The following OR1F1 variants were observed in gnomAD, a reference collection of about 807,000 sequenced individuals.
OR1F1 encodes the protein olfactory receptor family 1 subfamily F member 1, also known as olfactory receptor 1F1.
For synonymous variants in OR1F1, 184 were observed against 156.7 expected (o/e 1.17, Z -1.30); for missense variants, 493 against 376.3 (o/e 1.31, Z -2.57).
upstream of OR1F1, among the ~76,000 whole-genome samples, chr16:3,200,365 C>T (rs1035989701): frequency 7.2e-5 from 11 of 152,196 alleles, no homozygotes; most frequent in East Asian, 2.1e-3. Context: ...ATCCCACTTT[C>T]GGAGGCCGAG....
the OR1F1 span, chr16:3,191,305 G>A: frequency 6.6e-6 from 1 of 152,232 alleles, no homozygotes; most frequent in Non-Finnish European, 1.5e-5. Flanking sequence ...AGCCTCTGGC[G>A]GGTCATCTCC....
downstream of OR1F1, among the ~76,000 whole-genome samples, chr16:3,205,454 C>T (rs890127001): frequency 2.6e-5 from 4 of 151,654 alleles, no homozygotes; most frequent in African/African-American, 9.7e-5. Context: ...TAGCTGGGAC[C>T]ACAGGTGTGT....
upstream of OR1F1, among the ~76,000 whole-genome samples, chr16:3,199,498 T>G (rs1382329503): frequency 6.6e-6 from 1 of 151,720 alleles, no homozygotes; most frequent in Non-Finnish European, 1.5e-5. Flanking sequence ...ACAAAAAATT[T>G]AAAAATTAGC....
rs758873218 is a variant in OR1F1 at position 3,204,586 on chromosome 16, C to G, written c.340C>G (p.Leu114Val). 4 of 1,614,180 alleles carry G rather than the reference C, an allele frequency of 2.5e-6. No individual in the cohort carries two copies. In the Admixed American group the frequency reaches 6.7e-5, roughly 27 times the overall value. ...CATGTTCGTGGACATGGACAATTTCCTCCTAGCTGTGATGGCCTATGACCA... is the reference window on the plus strand; with the variant it reads ...CATGTTCGTGGACATGGACAATTTCGTCCTAGCTGTGATGGCCTATGACCA... Residue 114 changes from leucine (L) to valine (V), a missense_variant, in exon 1 of 1, where the codon CTC (leucine) becomes GTC (valine). Coordinates refer to ENST00000304646, the Ensembl canonical transcript of OR1F1.
chr16:3,206,113 G>C (rs1417204673), downstream of OR1F1, among the ~76,000 whole-genome samples: 3 of 152,160 alleles, frequency 2.0e-5, no homozygotes, highest in Non-Finnish European at 4.4e-5. Flanking sequence ...CTCGGGGGAG[G>C]TCTATAAATG....
exon 1 of OR1F1, chr16:3,205,042 C>G: frequency 1.9e-6 from 3 of 1,614,106 alleles, no homozygotes; most frequent in Non-Finnish European, 2.5e-6. Flanking sequence ...TCTGTCCTCC[C>G]ACTCAGCTGA....
At chr16:3,189,770 T>A in the OR1F1 span, 1 of 152,048 alleles carries the variant, frequency 6.6e-6, no homozygotes, top group African/African-American at 2.4e-5. Flanking sequence ...CTTACAGACC[T>A]CAGCGCAGGA....
At position 3,205,033 on chromosome 16, in the gene OR1F1, C is replaced by G. The variant is rs768958887; in HGVS notation, c.787C>G (p.Leu263Val). Residue 263 changes from leucine (L) to valine (V), a missense_variant, in exon 1 of 1, where the codon CTG becomes GTG. Transcript: ENST00000304646. ...CATCATTGCTGTGTATTTTAACCCT[C>G]TGTCCTCCCACTCAGCTGAGAAAGA... 7 of 1,614,188 alleles carry G rather than the reference C, an allele frequency of 4.3e-6. No homozygotes were observed. In the East Asian group the frequency reaches 1.6e-4, roughly 36 times the overall value.
chr16:3,204,884 G>T, exon 1 of OR1F1: 1 of 1,614,008 alleles, frequency 6.2e-7, no homozygotes, highest in Non-Finnish European at 8.5e-7. Flanking sequence ...CCATTTCTTT[G>T]CATCCTGGCT....
the OR1F1 span, among the ~76,000 whole-genome samples, chr16:3,194,640 G>C: frequency 1.4e-3 from 217 of 152,226 alleles, 1 homozygote; most frequent in Non-Finnish European, 2.6e-3. Context: ...CCAGAGGAGA[G>C]GAGGGGAGAA....
At chr16:3,194,024 G>A in the OR1F1 span, among the ~76,000 whole-genome samples, 1 of 152,070 alleles carries the variant, frequency 6.6e-6, no homozygotes. Flanking sequence ...TTGGGGTAAG[G>A]TATCACGCCT....
At chr16:3,188,945 A>G in the OR1F1 span, among the ~76,000 whole-genome samples, 305 of 152,210 alleles carry the variant, frequency 2.0e-3, 2 homozygotes, top group Non-Finnish European at 2.7e-3. Context: ...TGCGCAGCGT[A>G]GTTGGTGGCC....
exon 1 of OR1F1, chr16:3,204,250 A>C (rs1329811752): frequency 1.3e-6 from 2 of 1,594,906 alleles, no homozygotes; most frequent in East Asian, 2.2e-5. Flanking sequence ...CAGGCCCATG[A>C]GCGGGACAAA....
exon 1 of OR1F1, chr16:3,205,065 G>A (rs1958188844): frequency 2.5e-6 from 4 of 1,613,148 alleles, no homozygotes; most frequent in East Asian, 2.2e-5. Context: ...AAGACACTAT[G>A]GCTACTGTGT....
the OR1F1 span, among the ~76,000 whole-genome samples, chr16:3,192,492 G>A: frequency 6.6e-6 from 1 of 152,212 alleles, no homozygotes; most frequent in Non-Finnish European, 1.5e-5. Flanking sequence ...ATATTAGATC[G>A]CCTTGTCGCA....
exon 1 of OR1F1, chr16:3,204,346 A>T: frequency 8.7e-6 from 14 of 1,614,004 alleles, no homozygotes; most frequent in Non-Finnish European, 1.1e-5. Flanking sequence ...CTTCCTCAGC[A>T]TGTACCTGGC....
downstream of OR1F1, chr16:3,205,277 T>G (rs1313356816): frequency 6.9e-6 from 6 of 870,484 alleles, no homozygotes; most frequent in Non-Finnish European, 1.8e-6. Context: ...ATGATGTTCT[T>G]GCTAGTGACA....
upstream of OR1F1, among the ~76,000 whole-genome samples, chr16:3,203,141 C>T (rs563383919): frequency 1.3e-5 from 2 of 152,174 alleles, no homozygotes. Flanking sequence ...TTATGTATGA[C>T]AAAGCTTTAT....
the OR1F1 span, chr16:3,189,609 G>A: frequency 6.6e-6 from 1 of 152,234 alleles, no homozygotes; most frequent in African/African-American, 2.4e-5. Context: ...CGCCCACAAA[G>A]ATAACCTTAA....
Sources: gnomAD v4.1 joint callset for allele counts (sites outside exome capture counted in the v4.1 genomes callset) on GRCh38, gnomAD v4.1.1 for gene constraint, MANE v1.5 for transcripts, NCBI Gene and HGNC (gene_info 2026-07-23, HGNC 2026-07-21) for gene names.